Variants in FAM135B observed in about 807,000 individuals in gnomAD.
FAM135B encodes family with sequence similarity 135 member B.
A neutral mutation model predicts 127.7 loss-of-function variants in FAM135B; 43 were observed. The ratio of observed to expected loss-of-function variants is 0.34; its 90% confidence interval spans 0.26 to 0.43. FAM135B has a LOEUF of 0.43. FAM135B is among the 20% of genes least tolerant of loss of function. FAM135B has a pLI of 1.00. For synonymous variants in FAM135B, 670 were observed against 665.1 expected, an observed-to-expected ratio of 1.01 and a Z score of -0.11; for missense variants, 1,558 against 1,725.6, an observed-to-expected ratio of 0.90 and a Z score of 1.72.
At chr8:138,181,948 C>T (rs1815079997) in intron 9 of FAM135B, among the ~76,000 whole-genome samples, 2 of 152,106 alleles carry the variant, frequency 1.3e-5, no homozygotes, top group Admixed American at 1.3e-4. Context: ...CCCAGCACAA[C>T]AGCTGATAGA....
In FAM135B at chr8:138,162,357, A is replaced by G. The variant is rs1386896471; in HGVS notation, c.1258+5538T>C. Among the ~76,000 whole-genome samples the G allele has an allele frequency of 5.3e-5, 8 of 152,338 alleles. No individual in the cohort carries two copies. The East Asian group carries it at 1.2e-3, about 22-fold the overall frequency. ...CAATGGAACTACTGTGTATGATACT[A>G]TAAGAGTGGATGCACGTCACTCATT... On this transcript the variant is annotated intron_variant, in intron 12 of 19. Coordinates refer to ENST00000395297, the MANE Select transcript of FAM135B (RefSeq NM_015912.4).
intron 3 of FAM135B, among the ~76,000 whole-genome samples, chr8:138,299,465 C>G (rs973535884): frequency 3.9e-5 from 6 of 152,174 alleles, no homozygotes; most frequent in African/African-American, 1.4e-4. Context: ...CTCACCAGGC[C>G]TCACCATTTT....
At chr8:138,389,306 T>C (rs2131318247) in intron 1 of FAM135B, among the ~76,000 whole-genome samples, 1 of 152,352 alleles carries the variant, frequency 6.6e-6, no homozygotes, top group South Asian at 2.1e-4. Flanking sequence ...ATTCTGGGTA[T>C]GTATACACAA....
chr8:138,316,958 G>A (rs949383916), intron 2 of FAM135B, among the ~76,000 whole-genome samples: 2 of 150,918 alleles, frequency 1.3e-5, no homozygotes, highest in Non-Finnish European at 2.9e-5. Flanking sequence ...CTAGCCTGGG[G>A]GACAGAGCAA....
intron 5 of FAM135B, among the ~76,000 whole-genome samples, chr8:138,254,288 A>C (rs1313702665): frequency 1.3e-5 from 2 of 152,240 alleles, no homozygotes; most frequent in Non-Finnish European, 2.9e-5. Flanking sequence ...AAGGCTCTCC[A>C]TTAACTACTG....
At chr8:138,415,536 T>C (rs1519398) in intron 1 of FAM135B, among the ~76,000 whole-genome samples, 10,932 of 152,258 alleles carry the variant, frequency 0.072, 805 homozygotes, top group East Asian at 0.26. Context: ...GGAGAGACAC[T>C]GCCAGACACA....
At chr8:138,213,023 A>G (rs1012287094) in intron 7 of FAM135B, among the ~76,000 whole-genome samples, 4 of 152,216 alleles carry the variant, frequency 2.6e-5, no homozygotes, top group African/African-American at 9.6e-5. Flanking sequence ...ATTTTTTAAA[A>G]TGTGAGACAT....
At chr8:138,227,714 C>CTTTTTTTTT (rs761660500) in intron 7 of FAM135B, among the ~76,000 whole-genome samples, 1 of 81,824 alleles carries the variant, frequency 1.2e-5, no homozygotes, top group African/African-American at 4.6e-5. Flanking sequence ...TTTTGTCTCT[C>CTTTTTTTTT]TTTTTTTTTT....
chr8:138,372,095 A>G (rs1056298458), intron 1 of FAM135B, among the ~76,000 whole-genome samples: 4 of 152,348 alleles, frequency 2.6e-5, no homozygotes, highest in Admixed American at 2.6e-4. Flanking sequence ...TGGCTTCTGA[A>G]TGAGGAGGCC....
intron 4 of FAM135B, among the ~76,000 whole-genome samples, chr8:138,258,803 CCACACACACACACACACACA>C (rs57817492): frequency 1.4e-5 from 2 of 146,634 alleles, no homozygotes; most frequent in East Asian, 2.0e-4. Flanking sequence ...GACACACACA[CCACACACACACACACACACA>C]CACACACACA....
intron 9 of FAM135B, among the ~76,000 whole-genome samples, chr8:138,184,136 G>A (rs543647722): frequency 6.6e-6 from 1 of 152,348 alleles, no homozygotes; most frequent in East Asian, 1.9e-4. Context: ...GATGAGGATT[G>A]TGTCAGGAAT....
At chr8:138,194,541 G>T (rs968698203) in intron 9 of FAM135B, among the ~76,000 whole-genome samples, 1 of 152,176 alleles carries the variant, frequency 6.6e-6, no homozygotes, top group Admixed American at 6.5e-5. Flanking sequence ...TTCCAAGGAT[G>T]ATTCTAATGT....
chr8:138,373,681 C>T (rs867863049), intron 1 of FAM135B, among the ~76,000 whole-genome samples: 22 of 152,024 alleles, frequency 1.4e-4, no homozygotes, highest in African/African-American at 4.8e-4. Context: ...TTCTTTTTCT[C>T]AGCAAGGAAC....
intron 2 of FAM135B, among the ~76,000 whole-genome samples, chr8:138,326,068 A>C (rs1263212871): frequency 1.3e-5 from 2 of 152,190 alleles, no homozygotes; most frequent in African/African-American, 4.8e-5. Flanking sequence ...ATATAAAAAA[A>C]ATATGAGATT....
At chr8:138,252,012 GCAAA>G (rs1302847664) in intron 5 of FAM135B, among the ~76,000 whole-genome samples, 1 of 152,170 alleles carries the variant, frequency 6.6e-6, no homozygotes, top group African/African-American at 2.4e-5. Flanking sequence ...TTCCTTGTGC[GCAAA>G]CAAAGGCCAA....
intron 7 of FAM135B, 26 bp from the exon 8 acceptor site, chr8:138,197,695 C>T (rs772760737): frequency 1.2e-6 from 2 of 1,607,998 alleles, no homozygotes; most frequent in Admixed American, 3.3e-5. Context: ...GAAACAGAGG[C>T]TGAGGAATAT....
intron 1 of FAM135B, among the ~76,000 whole-genome samples, chr8:138,384,360 T>G (rs56709779): frequency 0.016 from 951 of 58,012 alleles, 2 homozygotes; most frequent in Middle Eastern, 0.035. Context: ...ATTTATTTAT[T>G]TATTTATTTA....
At chr8:138,274,746 T>C (rs989047330) in intron 3 of FAM135B, among the ~76,000 whole-genome samples, 1 of 152,160 alleles carries the variant, frequency 6.6e-6, no homozygotes, top group African/African-American at 2.4e-5. Context: ...TGTTCCATGC[T>C]GAGAAAAAGA....
chr8:138,150,798 A>T (rs993371696), intron 13 of FAM135B, among the ~76,000 whole-genome samples: 1 of 152,198 alleles, frequency 6.6e-6, no homozygotes, highest in African/African-American at 2.4e-5. Flanking sequence ...TACAATGATG[A>T]TGCAAACATA....
Sources: gnomAD v4.1 joint callset for allele counts (sites outside exome capture counted in the v4.1 genomes callset) on GRCh38, gnomAD v4.1.1 for gene constraint, MANE v1.5 for transcripts, NCBI Gene and HGNC (gene_info 2026-07-23, HGNC 2026-07-21) for gene names.